The following RBBP4 variants were observed in gnomAD, a reference collection of about 807,000 sequenced individuals.
The protein encoded by RBBP4 is RB binding protein 4, chromatin remodeling factor.
In RBBP4, 3 loss-of-function variants were observed where a neutral mutation model predicts 57.2. The observed-to-expected ratio is 0.05, with a 90% confidence interval of 0.02 to 0.14. The LOEUF is 0.14. Among genes scored for constraint, RBBP4 ranks in the 10% least tolerant of loss-of-function variants. The probability of loss-of-function intolerance (pLI) is 1.00; values close to 1 mark genes in which losing one functional copy is unlikely to be tolerated. For missense variants in RBBP4, 107 were observed against 520.6 expected (o/e 0.21, Z 7.73); for synonymous variants, 151 against 171.5 (o/e 0.88, Z 0.93).
intron 11 of RBBP4, among the ~76,000 whole-genome samples, chr1:32,673,160 C>T (rs538958007): frequency 3.7e-4 from 56 of 152,222 alleles, no homozygotes; most frequent in Non-Finnish European, 7.1e-4. Context: ...TTCTTTCTTT[C>T]TTTTTGTATG....
At chr1:32,659,563 T>A (rs1167014868) in intron 3 of RBBP4, among the ~76,000 whole-genome samples, 1 of 43,816 alleles carries the variant, frequency 2.3e-5, no homozygotes, top group Non-Finnish European at 1.5e-4. Context: ...AAACTCCGTC[T>A]CAAAAACAAA....
chr1:32,684,590 A>C lies in RBBP4; in HGVS notation c.*4885A>C. The C allele has an allele frequency of 1.5e-6, 1 of 653,860 alleles. No homozygotes were observed. The highest frequency in any genetic ancestry group is 2.0e-5 in the South Asian group (1 of 49,870). The allele number at this position is 653,860 out of a possible 1,614,324, so 40.5% of individuals were successfully genotyped here. A position where few individuals can be genotyped will look rare whatever the true frequency, so the allele number is the denominator to read the frequency against. On this transcript the variant is annotated 3_prime_UTR_variant, in exon 12 of 12. Transcript: ENST00000373493. ...ATGCTTTTGAAAATGATGACGAAAA[A>C]GGCATCTTGTCTGTTAACCACAGCT...
At chr1:32,658,559 T>TC (rs1268516272) in intron 3 of RBBP4, among the ~76,000 whole-genome samples, 7 of 150,136 alleles carry the variant, frequency 4.7e-5, no homozygotes, top group African/African-American at 1.7e-4. Context: ...CCTTTTTTTT[T>TC]TTTTGGAGAT....
intron 2 of RBBP4, among the ~76,000 whole-genome samples, chr1:32,655,526 A>G (rs868405787): frequency 7.9e-5 from 12 of 152,036 alleles, no homozygotes; most frequent in South Asian, 2.1e-4. Flanking sequence ...TTTCAGTGTA[A>G]TGTAGAAGCT....
chr1:32,684,476 TTAATCTTGATAGCAG>T lies in RBBP4; in HGVS notation c.*4774_*4788del. On this transcript the variant is annotated 3_prime_UTR_variant, in exon 12 of 12. Transcript: ENST00000373493. Reference sequence around the variant, plus strand: ...TATAAAACACTTTTTTGTTCATTGTTTAATCTTGATAGCAGTATTGAGGCTGGTATTTATATGATA... The same window carrying T: ...TATAAAACACTTTTTTGTTCATTGTTTATTGAGGCTGGTATTTATATGATA... 1.3e-6 allele frequency: 2 copies of T among 1,560,276 alleles called. No homozygotes were observed. The highest frequency in any genetic ancestry group is 1.7e-6 in the Non-Finnish European group (2 of 1,146,014).
At chr1:32,666,160 T>C (rs1288548021) in intron 3 of RBBP4, among the ~76,000 whole-genome samples, 1 of 152,126 alleles carries the variant, frequency 6.6e-6, no homozygotes, top group Non-Finnish European at 1.5e-5. Context: ...TTTTCCTCAC[T>C]GAAATAAAAG....
chr1:32,676,400 T>C (rs1306022358), intron 11 of RBBP4, among the ~76,000 whole-genome samples: 1 of 151,946 alleles, frequency 6.6e-6, no homozygotes, highest in African/African-American at 2.4e-5. Context: ...AGGTCAGTAG[T>C]TTGAGACCAG....
chr1:32,673,962 G>A (rs1193570469), intron 11 of RBBP4, among the ~76,000 whole-genome samples: 5 of 152,006 alleles, frequency 3.3e-5, no homozygotes, highest in East Asian at 2.0e-4. Context: ...TTAGCCGGGC[G>A]TGGTGGCGGG....
In RBBP4 at chr1:32,684,160, T is replaced by C. The variant is rs1649646416; in HGVS notation, c.*4455T>C. ...AATTTGAAAATCATTTCCCAAATCCTCTTTTTGTTTTTGATTCTAAGGTAA... is the reference window on the plus strand; with the variant it reads ...AATTTGAAAATCATTTCCCAAATCCCCTTTTTGTTTTTGATTCTAAGGTAA... On this transcript the variant is annotated 3_prime_UTR_variant, in exon 12 of 12. Transcript: ENST00000373493. 6.2e-7 allele frequency: 1 copy of C among 1,606,122 alleles called. No homozygotes were observed. The highest frequency in any genetic ancestry group is 8.5e-7 in the Non-Finnish European group (1 of 1,175,254).
At chr1:32,662,917 G>A (rs569853339) in intron 3 of RBBP4, among the ~76,000 whole-genome samples, 1 of 152,172 alleles carries the variant, frequency 6.6e-6, no homozygotes, top group South Asian at 2.1e-4. Flanking sequence ...CCAGGAGGCG[G>A]AGGTTGCAGT....
Position 32,685,404 on chromosome 1 carries a change from G to C in RBBP4, c.*5699G>C, listed in dbSNP as rs751312128. 6.6e-6 allele frequency: 1 copy of C among 152,226 alleles called. No homozygotes were observed. The highest frequency in any genetic ancestry group is 1.5e-5 in the Non-Finnish European group (1 of 68,052). The allele number at this position is 152,226 out of a possible 1,614,324, so 9.4% of individuals were successfully genotyped here. On this transcript the variant is annotated 3_prime_UTR_variant, in exon 12 of 12. Coordinates refer to ENST00000373493, the MANE Select transcript of RBBP4 (RefSeq NM_005610.3). ...TCCTTAAGGAAGCAGGAGGGAGTTG[G>C]GAAGAGAGGAAGGGGTGAAGTTGGT...
At position 32,681,578 on chromosome 1, in the gene RBBP4, A is replaced by T. The variant is rs11809190; in HGVS notation, c.*1873A>T. On this transcript the variant is annotated 3_prime_UTR_variant, in exon 12 of 12. Coordinates refer to ENST00000373493, the MANE Select transcript of RBBP4 (RefSeq NM_005610.3). ...TATGTGAGGGTTGTTGCTGGAAGAC[A>T]GGAGGCTCATCTTTCCTTTCCTTGG... is the stretch of plus-strand genomic sequence containing the variant. The T allele has an allele frequency of 0.071, 40,029 of 566,372 alleles. 2,955 individuals carry two copies. Among genetic ancestry groups the T allele is most frequent in the African/African-American group, 0.26 (13,900 of 53,074 alleles). The allele number at this position is 566,372 out of a possible 1,614,324, so 35.1% of individuals were successfully genotyped here.
chr1:32,671,678 T>C (rs921838312), intron 8 of RBBP4, among the ~76,000 whole-genome samples: 1 of 132,804 alleles, frequency 7.5e-6, no homozygotes, highest in Admixed American at 8.0e-5. Context: ...AGAAGCAATA[T>C]AGCGAGGCCT....
chr1:32,664,939 T>C (rs931588916), intron 3 of RBBP4, among the ~76,000 whole-genome samples: 3 of 152,144 alleles, frequency 2.0e-5, no homozygotes, highest in Admixed American at 6.5e-5. Context: ...TAAAAAACAA[T>C]GTACATACCT....
chr1:32,668,134 G>A (rs1211617937), intron 3 of RBBP4, 91 bp from the exon 4 acceptor site: 18 of 1,252,158 alleles, frequency 1.4e-5, no homozygotes, highest in Non-Finnish European at 1.9e-5. Context: ...TTGTTGCTAA[G>A]GAAAAAAAAT....
rs182797300 is a variant in RBBP4 at position 32,675,633 on chromosome 1, G to A, written c.1212+2732G>A. Among the ~76,000 whole-genome samples the A allele has an allele frequency of 2.4e-3, 363 of 152,040 alleles. 1 individual carries two copies. Among genetic ancestry groups the A allele is most frequent in the Middle Eastern group, 0.014 (4 of 294 alleles). Reference sequence around the variant, plus strand: ...AAATACAAAAAATTAGCCGGGCGTGGTGGCGGGCGCCTGTAGTCCCAGCTA... The same window carrying A: ...AAATACAAAAAATTAGCCGGGCGTGATGGCGGGCGCCTGTAGTCCCAGCTA... On this transcript the variant is annotated intron_variant, in intron 11 of 11. Transcript: ENST00000373493.
Position 32,684,424 on chromosome 1 carries a change from T to C in RBBP4, c.*4719T>C. The C allele has an allele frequency of 1.9e-6, 3 of 1,612,862 alleles. No individual in the cohort carries two copies. Among genetic ancestry groups the C allele is most frequent in the South Asian group, 2.2e-5 (2 of 91,050 alleles). On this transcript the variant is annotated 3_prime_UTR_variant, in exon 12 of 12. Coordinates refer to ENST00000373493, the MANE Select transcript of RBBP4 (RefSeq NM_005610.3). ...AGAACATTTCTAATGAGCCAAACAATAAAAACTCACATTGTCCACTCTTAC... is the reference window on the plus strand; with the variant it reads ...AGAACATTTCTAATGAGCCAAACAACAAAAACTCACATTGTCCACTCTTAC...
At chr1:32,679,551 T>A in intron 11 of RBBP4, 89 bp from the exon 12 acceptor site, 3 of 1,205,380 alleles carry the variant, frequency 2.5e-6, no homozygotes, top group Non-Finnish European at 3.5e-6. Context: ...AAGTATTTAC[T>A]CTCTGGCTTC....
chr1:32,663,471 A>G (rs4245755), intron 3 of RBBP4, among the ~76,000 whole-genome samples: 148,144 of 152,226 alleles, frequency 0.97, 72,213 homozygotes, highest in East Asian at 1. Context: ...ACAGGGTCTT[A>G]CTCTGTTGCC....
Sources: gnomAD v4.1 joint callset for allele counts (sites outside exome capture counted in the v4.1 genomes callset) on GRCh38, gnomAD v4.1.1 for gene constraint, MANE v1.5 for transcripts, NCBI Gene and HGNC (gene_info 2026-07-23, HGNC 2026-07-21) for gene names.